Variants in POP5 observed in about 807,000 individuals in gnomAD.
POP5 encodes the protein ribonuclease P/MRP protein subunit POP5.
In POP5, 18 loss-of-function variants were observed where a neutral mutation model predicts 20.7. The observed-to-expected ratio is 0.87, with a 90% CI of 0.60 to 1.29. POP5 has a LOEUF of 1.29. POP5 is among the 50% of genes most tolerant of loss of function. POP5 has a pLI of 0.00. For synonymous variants in POP5, 91 were observed against 78.0 expected (o/e 1.17, Z -0.88); for missense variants, 200 against 203.2 (o/e 0.98, Z 0.10).
rs762946962 is a variant in POP5, at chr12:120,579,876, T to C, written c.211A>G (p.Lys71Glu). 3.1e-6 allele frequency: 5 copies of C among 1,611,992 alleles called. No homozygotes were observed. The highest frequency in any genetic ancestry group is 4.2e-6 in the Non-Finnish European group (5 of 1,178,118). The change falls in exon 3 of 5, where the codon AAA becomes GAA. Residue 71 changes from lysine (K) to glutamate (E), a missense_variant. By Grantham distance (56) the Lys-to-Glu change is moderately conservative. Transcript: ENST00000357500. Reference protein sequence around the residue: ...YTGIVLLRCRKEFYQLVWSAL... With the variant: ...YTGIVLLRCREEFYQLVWSAL... Reference sequence around the variant, plus strand: ...GACCACACAAGCTGATAGAATTCTTTTCTGCATCGAAGTAGCACTATTCCA... The same window carrying C: ...GACCACACAAGCTGATAGAATTCTTCTCTGCATCGAAGTAGCACTATTCCA...
intron 2 of POP5, 41 bp from the exon 3 acceptor site, chr12:120,579,964 C>T (rs1165047573): frequency 1.9e-6 from 3 of 1,588,482 alleles, no homozygotes; most frequent in South Asian, 2.2e-5. Context: ...AACTTTTGCT[C>T]TGTGTGGTGG....
chr12:120,579,423 C>T lies in POP5; in HGVS notation c.398-11G>A. ...TAGCTTCCCGCTCTCCTGGAGAAGG[C>T]AGATAACAGGGATGAAAGATATCTT... On this transcript the variant is annotated splice_polypyrimidine_tract_variant and intron_variant, in intron 4 of 4. Transcript: ENST00000357500. 1 of 1,611,564 alleles carries T rather than the reference C, an allele frequency of 6.2e-7. No homozygotes were observed. Among genetic ancestry groups the T allele is most frequent in the Non-Finnish European group, 8.5e-7 (1 of 1,177,618 alleles).
At position 120,581,292 on chromosome 12, in the gene POP5, G is replaced by A. The variant is rs749951413; in HGVS notation, c.21-35C>T. On this transcript the variant is annotated intron_variant, in intron 1 of 4. Coordinates refer to ENST00000357500, the MANE Select transcript of POP5 (RefSeq NM_015918.4). ...GCGAGAGGAAGGTGGACACTAGCGG[G>A]GCCGCGAGGACCCAGCAAGGCACTG... 3.0e-5 allele frequency: 49 copies of A among 1,614,204 alleles called. No individual in the cohort carries two copies. In the East Asian group the frequency reaches 1.0e-3, roughly 34 times the overall value.
Position 120,579,496 on chromosome 12 carries a change from T to C in POP5, c.397+18A>G, listed in dbSNP as rs552061593. On this transcript the variant is annotated intron_variant, in intron 4 of 4. Coordinates refer to ENST00000357500, the MANE Select transcript of POP5 (RefSeq NM_015918.4). ...AGGTCAGTCACTGCTCAGTGGGCAC[T>C]GGGCTAGTGTTGCTTACCTTCATCA... The C allele has an allele frequency of 6.2e-7, 1 of 1,612,084 alleles. No homozygotes were observed. Among genetic ancestry groups the C allele is most frequent in the African/African-American group, 1.3e-5 (1 of 75,014 alleles).
chr12:120,579,805 G>A lies in POP5; in HGVS notation c.282C>T (p.Tyr94=). Residue 94 remains tyrosine (Y), a synonymous_variant, in exon 3 of 5, where the codon TAC becomes TAT. Transcript: ENST00000357500. ...ITYLENKGHR[Y]PCFFNTLHVG... ...CATGTAATGTGTTGAAAAAGCATGG[G>A]TAACGGTGTCCTTTGTTCTCCAAGT... 1 of 1,608,872 alleles carries A rather than the reference G, an allele frequency of 6.2e-7. No homozygotes were observed. The highest frequency in any genetic ancestry group is 8.5e-7 in the Non-Finnish European group (1 of 1,175,216).
Position 120,579,091 on chromosome 12 carries a change from A to G in POP5, c.*227T>C. 3.5e-6 allele frequency: 2 copies of G among 578,278 alleles called. No homozygotes were observed. Among genetic ancestry groups the G allele is most frequent in the South Asian group, 4.2e-5 (2 of 47,292 alleles). The allele number at this position is 578,278 out of a possible 1,614,324, so 35.8% of individuals were successfully genotyped here. A position where few individuals can be genotyped will look rare whatever the true frequency, so the allele number is the denominator to read the frequency against. On this transcript the variant is annotated 3_prime_UTR_variant, in exon 5 of 5. Coordinates refer to ENST00000357500, the MANE Select transcript of POP5 (RefSeq NM_015918.4). ...TTATTAAATCTACTCTTAGCCAAGC[A>G]ATAAAGATGTCTACAGAGTTCACAA...
At chr12:120,580,549 AG>A (rs1877810010) in intron 2 of POP5, 1 of 154,816 alleles carries the variant, frequency 6.5e-6, no homozygotes, top group Non-Finnish European at 1.4e-5. Flanking sequence ...GTCAGCTCTC[AG>A]TCTCACCTGA....
At position 120,579,809 on chromosome 12, in the gene POP5, C is replaced by T. The variant is rs142190925; in HGVS notation, c.278G>A (p.Arg93His). The T allele has an allele frequency of 5.6e-4, 900 of 1,608,678 alleles. 10 individuals carry two copies. The East Asian group carries it at 0.015, about 27-fold the overall frequency. Residue 93 changes from arginine to histidine, a missense_variant, in exon 3 of 5, where the codon CGT becomes CAT. By Grantham distance (29) the Arg-to-His change is conservative (BLOSUM62 0). Transcript: ENST00000357500. ...FITYLENKGH[R>H]YPCFFNTLHV... ...TAATGTGTTGAAAAAGCATGGGTAA[C>T]GGTGTCCTTTGTTCTCCAAGTATGT...
Position 120,581,268 on chromosome 12 carries a change from C to A in POP5, c.21-11G>T. On this transcript the variant is annotated splice_polypyrimidine_tract_variant and intron_variant, in intron 1 of 4. Transcript: ENST00000357500. Reference sequence around the variant, plus strand: ...TCGCAGAGCAGGTACCTGCGGCAGGCGAGAGGAAGGTGGACACTAGCGGGG... The same window carrying A: ...TCGCAGAGCAGGTACCTGCGGCAGGAGAGAGGAAGGTGGACACTAGCGGGG... The A allele has an allele frequency of 6.2e-7, 1 of 1,614,174 alleles. No homozygotes were observed. The highest frequency in any genetic ancestry group is 8.5e-7 in the Non-Finnish European group (1 of 1,180,036).
rs762373242 is a variant in POP5, at chr12:120,579,291, G to A, written c.*27C>T. On this transcript the variant is annotated 3_prime_UTR_variant, in exon 5 of 5. Transcript: ENST00000357500. The stretch of plus-strand genomic sequence containing the variant: ...CAAGTGGGCCTGAAGCCTGAGCAGT[G>A]TAGCCAGCTGTGTGGGGAGCAGAGG... 6 of 1,595,138 alleles carry A rather than the reference G, an allele frequency of 3.8e-6. No homozygotes were observed. The highest frequency in any genetic ancestry group is 5.2e-6 in the Non-Finnish European group (6 of 1,163,022).
rs1035079676 is a variant in POP5 at position 120,580,965 on chromosome 12, C to G, written c.163+150G>C. Reference sequence around the variant, plus strand: ...TAGCGCTCTGCTAATTTCGGACTCTCGCTTGGGGTCCCAGGCGCTTAAAGA... The same window carrying G: ...TAGCGCTCTGCTAATTTCGGACTCTGGCTTGGGGTCCCAGGCGCTTAAAGA... On this transcript the variant is annotated intron_variant, in intron 2 of 4. Coordinates refer to ENST00000357500, the MANE Select transcript of POP5 (RefSeq NM_015918.4). The G allele has an allele frequency of 3.1e-6, 4 of 1,284,972 alleles. No homozygotes were observed. The Admixed American group carries it at 9.4e-5, about 30-fold the overall frequency. The allele number at this position is 1,284,972 out of a possible 1,614,324, so 79.6% of individuals were successfully genotyped here. A position where few individuals can be genotyped will look rare whatever the true frequency, so the allele number is the denominator to read the frequency against.
At chr12:120,580,704 G>A in intron 2 of POP5, 1 of 212,798 alleles carries the variant, frequency 4.7e-6, no homozygotes, top group Non-Finnish European at 9.7e-6. Flanking sequence ...ACAATCATGT[G>A]TTCTGTACTT....
At position 120,579,034 on chromosome 12, in the gene POP5, A is replaced by C; in HGVS notation, c.*284T>G. 2.1e-6 allele frequency: 1 copy of C among 468,298 alleles called. No homozygotes were observed. The highest frequency in any genetic ancestry group is 3.9e-6 in the Non-Finnish European group (1 of 256,268). The allele number at this position is 468,298 out of a possible 1,614,324, so 29.0% of individuals were successfully genotyped here. A position where few individuals can be genotyped will look rare whatever the true frequency, so the allele number is the denominator to read the frequency against. On this transcript the variant is annotated 3_prime_UTR_variant, in exon 5 of 5. Transcript: ENST00000357500. The stretch of plus-strand genomic sequence containing the variant: ...CTCCATAAGCCCTTTCTGTAATATA[A>C]GTATGCTAAATGCCACGGAAACCAG...
intron 2 of POP5, 33 bp from the exon 3 acceptor site, chr12:120,579,956 C>G (rs770001355): frequency 3.1e-6 from 5 of 1,602,154 alleles, no homozygotes; most frequent in Non-Finnish European, 8.5e-7. Flanking sequence ...TTTTGGAAAA[C>G]TTTTGCTCTG....
Position 120,579,204 on chromosome 12 carries a change from G to T in POP5, c.*114C>A. On this transcript the variant is annotated 3_prime_UTR_variant, in exon 5 of 5. Coordinates refer to ENST00000357500, the MANE Select transcript of POP5 (RefSeq NM_015918.4). ...TTCAAGTGGGTAATGTCTGCTGGTTGGCAGCTATCCAGTTTGGAAAACTGT... is the reference window on the plus strand; with the variant it reads ...TTCAAGTGGGTAATGTCTGCTGGTTTGCAGCTATCCAGTTTGGAAAACTGT... 3.3e-6 allele frequency: 3 copies of T among 917,926 alleles called. No individual in the cohort carries two copies. The highest frequency in any genetic ancestry group is 5.3e-6 in the Non-Finnish European group (3 of 564,330). 56.9% of individuals were successfully genotyped at this position (917,926 alleles called of 1,614,324 possible). A position where few individuals can be genotyped will look rare whatever the true frequency, so the allele number is the denominator to read the frequency against.
chr12:120,581,122 G>A lies in POP5; in HGVS notation c.156C>T (p.Gly52=), dbSNP rs753420237. 6.8e-6 allele frequency: 11 copies of A among 1,611,230 alleles called. No homozygotes were observed. The East Asian group carries it at 1.1e-4, about 16-fold the overall frequency. The change falls in exon 2 of 5, where the codon GGC becomes GGT. Residue 52 remains glycine (G), a synonymous_variant. Transcript: ENST00000357500. The stretch of plus-strand genomic sequence containing the variant: ...CCCCCAGCGCCCTTGCACCCGCGAA[G>A]CCGATGGAGCAGGCGGCTGCGCCGA... ...GTFGAAACSI[G]FAVRYLNAYT...
chr12:120,579,678 G>C (rs1360788222), intron 3 of POP5, 81 bp from the exon 4 acceptor site: 1 of 1,550,420 alleles, frequency 6.4e-7, no homozygotes, highest in Non-Finnish European at 8.9e-7. Context: ...GAAGTGTCTT[G>C]TTAGCGGGAC....
rs1352821986 is a variant in POP5 at position 120,578,809 on chromosome 12, C to CT, written c.*508dup. 3.2e-5 allele frequency: 5 copies of CT among 156,902 alleles called. No homozygotes were observed. The highest frequency in any genetic ancestry group is 1.2e-4 in the African/African-American group (5 of 41,562). 9.7% of individuals were successfully genotyped at this position (156,902 alleles called of 1,614,324 possible). On this transcript the variant is annotated 3_prime_UTR_variant, in exon 5 of 5. Transcript: ENST00000357500. ...TGGTGCACGTCTGTAATCCCAGTTA[C>CT]TTGGAAGGCTGAGGTGGGAGAATTG...
At position 120,579,027 on chromosome 12, in the gene POP5, T is replaced by C. The variant is rs1877693631; in HGVS notation, c.*291A>G. ...GCATGGACTCCATAAGCCCTTTCTG[T>C]AATATAAGTATGCTAAATGCCACGG... On this transcript the variant is annotated 3_prime_UTR_variant, in exon 5 of 5. Coordinates refer to ENST00000357500, the MANE Select transcript of POP5 (RefSeq NM_015918.4). 1 of 444,868 alleles carries C rather than the reference T, an allele frequency of 2.2e-6. No individual in the cohort carries two copies. The highest frequency in any genetic ancestry group is 4.1e-6 in the Non-Finnish European group (1 of 241,980). The allele number at this position is 444,868 out of a possible 1,614,324, so 27.6% of individuals were successfully genotyped here. A position where few individuals can be genotyped will look rare whatever the true frequency, so the allele number is the denominator to read the frequency against.
Sources: gnomAD v4.1 joint callset for allele counts on GRCh38, gnomAD v4.1.1 for gene constraint, MANE v1.5 for transcripts, NCBI Gene and HGNC (gene_info 2026-07-23, HGNC 2026-07-21) for gene names.